SPMIP8: variants seen among roughly 807,000 people sequenced by gnomAD.
The protein encoded by SPMIP8 is sperm microtubule inner protein 8, also known as testicular tissue protein Li 196.
At chr16:57,977,897 G>C in the SPMIP8 span, 4 of 1,614,010 alleles carry the variant, frequency 2.5e-6, no homozygotes, top group Non-Finnish European at 3.4e-6. Flanking sequence ...TGCTTCCCAT[G>C]GAGCGGCAGC....
the SPMIP8 span, chr16:57,985,062 C>A: frequency 6.4e-6 from 7 of 1,091,046 alleles, no homozygotes; most frequent in East Asian, 2.9e-5. Flanking sequence ...GGTGGGGCAG[C>A]GGAGGCGGGA....
chr16:57,984,402 G>A, the SPMIP8 span: 1 of 1,612,086 alleles, frequency 6.2e-7, no homozygotes, highest in South Asian at 1.1e-5. Context: ...TTTGCTAAGG[G>A]GCACCAGCCC....
At chr16:57,987,080 C>T in the SPMIP8 span, 6 of 321,252 alleles carry the variant, frequency 1.9e-5, no homozygotes, top group Admixed American at 4.9e-5. Flanking sequence ...CCGTCTCCCA[C>T]ACGGGGAAAC....
the SPMIP8 span, among the ~76,000 whole-genome samples, chr16:57,981,454 CAA>C: frequency 9.2e-6 from 1 of 108,724 alleles, no homozygotes; most frequent in Non-Finnish European, 2.1e-5. Flanking sequence ...CTTATTGCCA[CAA>C]AGAGTCTGTT....
the SPMIP8 span, chr16:57,986,261 C>T: frequency 1.5e-4 from 48 of 327,542 alleles, no homozygotes; most frequent in Admixed American, 1.8e-3. Context: ...AGGGAGAGAG[C>T]CGAGAATCTG....
At chr16:57,985,392 G>T in the SPMIP8 span, 1 of 1,607,708 alleles carries the variant, frequency 6.2e-7, no homozygotes, top group East Asian at 2.2e-5. Flanking sequence ...TCAGGACCAC[G>T]GTCTCTAGCA....
At chr16:57,985,374 C>T in the SPMIP8 span, 18 of 1,597,258 alleles carry the variant, frequency 1.1e-5, no homozygotes, top group Non-Finnish European at 1.5e-5. Flanking sequence ...AGCAGGGCCT[C>T]CCAGTCTTCA....
the SPMIP8 span, chr16:57,987,533 C>T: frequency 7.8e-7 from 1 of 1,289,316 alleles, no homozygotes; most frequent in South Asian, 1.6e-5. Flanking sequence ...AGGAGTTCAG[C>T]CTAACTAGAA....
At chr16:57,984,768 T>A in the SPMIP8 span, 3 of 1,608,670 alleles carry the variant, frequency 1.9e-6, no homozygotes, top group Non-Finnish European at 2.5e-6. Context: ...CCACTTCGTG[T>A]CCTCGGCCGG....
At chr16:57,983,169 G>A in the SPMIP8 span, among the ~76,000 whole-genome samples, 516 of 152,064 alleles carry the variant, frequency 3.4e-3, 2 homozygotes, top group Non-Finnish European at 5.7e-3. Flanking sequence ...CAGGCTGGAG[G>A]GCAGTGGCAT....
the SPMIP8 span, among the ~76,000 whole-genome samples, chr16:57,981,503 T>C: frequency 4.3e-3 from 23 of 5,344 alleles, no homozygotes; most frequent in African/African-American, 0.024. Flanking sequence ...CTCTTTCTCT[T>C]TTTTTTTTTT....
the SPMIP8 span, among the ~76,000 whole-genome samples, chr16:57,980,718 A>C: frequency 6.6e-6 from 1 of 152,196 alleles, no homozygotes; most frequent in African/African-American, 2.4e-5. Context: ...TTTTTTAGAC[A>C]GAGTTTCTCT....
At chr16:57,982,372 A>G in the SPMIP8 span, among the ~76,000 whole-genome samples, 23 of 152,342 alleles carry the variant, frequency 1.5e-4, no homozygotes, top group African/African-American at 5.3e-4. Flanking sequence ...GTCTTAGTCT[A>G]AAACAGTCCA....
chr16:57,985,105 A>AT, the SPMIP8 span: 30 of 1,047,996 alleles, frequency 2.9e-5, no homozygotes, highest in Non-Finnish European at 3.7e-5. Context: ...GTGGGGCTGG[A>AT]TTGTGGGCGG....
the SPMIP8 span, among the ~76,000 whole-genome samples, chr16:57,979,893 C>G: frequency 6.6e-6 from 1 of 152,084 alleles, no homozygotes; most frequent in Non-Finnish European, 1.5e-5. Context: ...CATGGTGAAA[C>G]CCCATCTTCA....
chr16:57,985,342 G>C, the SPMIP8 span: 74 of 1,565,814 alleles, frequency 4.7e-5, 1 homozygote, highest in East Asian at 1.6e-3. Flanking sequence ...TAAGCCGGGG[G>C]TTGAGGGGGG....
At chr16:57,981,326 G>A in the SPMIP8 span, among the ~76,000 whole-genome samples, 2 of 146,604 alleles carry the variant, frequency 1.4e-5, no homozygotes, top group Admixed American at 6.9e-5. Flanking sequence ...GTTGCAGTGA[G>A]CCGAGATCGC....
the SPMIP8 span, among the ~76,000 whole-genome samples, chr16:57,977,402 T>G: frequency 1.2e-5 from 1 of 85,232 alleles, no homozygotes; most frequent in Non-Finnish European, 2.2e-5. Flanking sequence ...AGAGTGAGAC[T>G]GTCTCAAAAA....
the SPMIP8 span, chr16:57,987,700 C>G: frequency 2.6e-6 from 1 of 385,650 alleles, no homozygotes; most frequent in East Asian, 3.9e-5. Flanking sequence ...AGAAAAATGT[C>G]TGGTGACCTG....
Sources: gnomAD v4.1 joint callset for allele counts (sites outside exome capture counted in the v4.1 genomes callset) on GRCh38, gnomAD v4.1.1 for gene constraint, MANE v1.5 for transcripts, NCBI Gene and HGNC (gene_info 2026-07-23, HGNC 2026-07-21) for gene names.